Variants in C8orf34 observed in about 807,000 individuals in gnomAD.
C8orf34 encodes the protein uncharacterized protein C8orf34.
A neutral mutation model predicts 68.3 loss-of-function variants in C8orf34; 65 were observed. The observed-to-expected ratio is 0.95, with a 90% confidence interval of 0.78 to 1.17. The LOEUF (loss-of-function observed/expected upper bound fraction) is 1.17. Ranked by LOEUF, C8orf34 falls within the 50% of genes most tolerant of loss-of-function variation. The probability of loss-of-function intolerance (pLI) is 0.00; values close to 1 mark genes in which losing one functional copy is unlikely to be tolerated. For missense variants in C8orf34, 664 were observed against 655.4 expected (o/e 1.01, Z -0.14); for synonymous variants, 244 against 241.2 (o/e 1.01, Z -0.11).
intron 8 of C8orf34, among the ~76,000 whole-genome samples, chr8:68,681,464 G>A (rs1268450251): frequency 6.6e-6 from 1 of 152,080 alleles, no homozygotes; most frequent in African/African-American, 2.4e-5. Context: ...ACAATGAGAT[G>A]TTATCTTACC....
At chr8:68,662,415 A>C (rs1819707068) in intron 8 of C8orf34, among the ~76,000 whole-genome samples, 1 of 152,142 alleles carries the variant, frequency 6.6e-6, no homozygotes, top group Admixed American at 6.5e-5. Flanking sequence ...TCTCACCTTG[A>C]GTTATAATAA....
intron 12 of C8orf34, among the ~76,000 whole-genome samples, chr8:68,812,383 C>T (rs560867730): frequency 1.3e-5 from 2 of 152,226 alleles, no homozygotes; most frequent in East Asian, 3.9e-4. Flanking sequence ...GAAATGTTGA[C>T]TAAGTATCTC....
chr8:68,483,031 T>G (rs986175368), intron 4 of C8orf34, among the ~76,000 whole-genome samples: 1 of 152,234 alleles, frequency 6.6e-6, no homozygotes, highest in African/African-American at 2.4e-5. Flanking sequence ...AGTACTATTT[T>G]ATACTATATG....
rs567903975 is a variant in C8orf34 at position 68,349,775 on chromosome 8, G to A, written c.327+18436G>A. Reference sequence around the variant, plus strand: ...AGTTTGTGTGTAATAGTTTCTGATGGTTGTTTTTATTTCTGTGGGGTGAGT... The same window carrying A: ...AGTTTGTGTGTAATAGTTTCTGATGATTGTTTTTATTTCTGTGGGGTGAGT... On this transcript the variant is annotated intron_variant, in intron 1 of 13. Coordinates refer to ENST00000518698, the MANE Select transcript of C8orf34 (RefSeq NM_052958.4). Among the ~76,000 whole-genome samples, 38 of 151,580 alleles carry A rather than the reference G, an allele frequency of 2.5e-4. No individual in the cohort carries two copies. The South Asian group carries it at 6.2e-3, about 25-fold the overall frequency.
chr8:68,419,177 A>C (rs1809825163), intron 1 of C8orf34, among the ~76,000 whole-genome samples: 4 of 152,040 alleles, frequency 2.6e-5, no homozygotes, highest in Admixed American at 1.3e-4. Flanking sequence ...GGACATGAAC[A>C]GACACTTCTC....
At chr8:68,794,661 A>G (rs1824127240) in intron 12 of C8orf34, among the ~76,000 whole-genome samples, 1 of 150,440 alleles carries the variant, frequency 6.6e-6, no homozygotes, top group African/African-American at 2.5e-5. Context: ...TAGTTTTTGT[A>G]CTTTTTGTAG....
chr8:68,539,639 G>T (rs1586345432), intron 7 of C8orf34, among the ~76,000 whole-genome samples: 1 of 152,102 alleles, frequency 6.6e-6, no homozygotes, highest in African/African-American at 2.4e-5. Flanking sequence ...ATCACCTGAG[G>T]TCAGGAGTTC....
intron 1 of C8orf34, among the ~76,000 whole-genome samples, chr8:68,428,272 G>A (rs1341514327): frequency 6.6e-6 from 1 of 151,900 alleles, no homozygotes; most frequent in East Asian, 1.9e-4. Flanking sequence ...GGAGATCAAG[G>A]AAAAAATAAG....
chr8:68,389,235 A>C (rs1008808451), intron 1 of C8orf34, among the ~76,000 whole-genome samples: 1 of 152,146 alleles, frequency 6.6e-6, no homozygotes, highest in African/African-American at 2.4e-5. Context: ...GCAATTATAA[A>C]GTTCAAAGAC....
intron 12 of C8orf34, among the ~76,000 whole-genome samples, chr8:68,802,962 C>G (rs1824375451): frequency 6.6e-6 from 1 of 151,986 alleles, no homozygotes; most frequent in African/African-American, 2.4e-5. Context: ...AGCTGACACA[C>G]AGGAAATAGA....
chr8:68,685,902 A>C (rs1300810155), intron 8 of C8orf34, among the ~76,000 whole-genome samples: 3 of 151,176 alleles, frequency 2.0e-5, no homozygotes, highest in Non-Finnish European at 4.4e-5. Flanking sequence ...AAATAAATAA[A>C]TAAATAAATA....
At chr8:68,494,173 C>A (rs1250981845) in intron 5 of C8orf34, among the ~76,000 whole-genome samples, 2 of 152,122 alleles carry the variant, frequency 1.3e-5, no homozygotes, top group Non-Finnish European at 2.9e-5. Flanking sequence ...TATATACATA[C>A]AATGGAATAG....
chr8:68,517,961 T>A (rs368352175), intron 5 of C8orf34, among the ~76,000 whole-genome samples: 1 of 152,354 alleles, frequency 6.6e-6, no homozygotes, highest in East Asian at 1.9e-4. Flanking sequence ...GTCAATTCCC[T>A]GTTCTGTTTC....
chr8:68,742,719 C>A (rs890522392), intron 10 of C8orf34, among the ~76,000 whole-genome samples: 1 of 151,858 alleles, frequency 6.6e-6, no homozygotes, highest in African/African-American at 2.4e-5. Flanking sequence ...TGCCCTTTCA[C>A]CAACATCTTA....
At chr8:68,750,166 A>C (rs1274564099) in intron 10 of C8orf34, among the ~76,000 whole-genome samples, 1 of 152,226 alleles carries the variant, frequency 6.6e-6, no homozygotes, top group East Asian at 1.9e-4. Context: ...AAAAACCTTT[A>C]CAAAACTGTT....
chr8:68,378,947 C>T (rs1807920312), intron 1 of C8orf34, among the ~76,000 whole-genome samples: 2 of 151,872 alleles, frequency 1.3e-5, no homozygotes, highest in South Asian at 4.2e-4. Flanking sequence ...AATATTATAA[C>T]TTCCAAAAAG....
chr8:68,646,525 A>G (rs1819177958), intron 8 of C8orf34, among the ~76,000 whole-genome samples: 1 of 152,160 alleles, frequency 6.6e-6, no homozygotes. Context: ...ATTATTTATT[A>G]TAGTCACTGT....
intron 8 of C8orf34, among the ~76,000 whole-genome samples, chr8:68,692,943 T>G (rs920586045): frequency 6.6e-6 from 1 of 152,050 alleles, no homozygotes; most frequent in Non-Finnish European, 1.5e-5. Context: ...AAGAGCTAAC[T>G]AATTGAGCCA....
intron 5 of C8orf34, among the ~76,000 whole-genome samples, chr8:68,490,204 T>C (rs1375972457): frequency 6.6e-6 from 1 of 152,222 alleles, no homozygotes; most frequent in Non-Finnish European, 1.5e-5. Flanking sequence ...TACTAAGATA[T>C]AACCATCACC....
Sources: gnomAD v4.1 joint callset for allele counts (sites outside exome capture counted in the v4.1 genomes callset) on GRCh38, gnomAD v4.1.1 for gene constraint, MANE v1.5 for transcripts, NCBI Gene and HGNC (gene_info 2026-07-23, HGNC 2026-07-21) for gene names.